BICD1: variants seen among roughly 807,000 people sequenced by gnomAD.
BICD1 encodes BICD cargo adaptor 1.
Under a neutral mutation model 92.5 loss-of-function variants are expected in BICD1, and 35 were observed. That is an observed-to-expected ratio of 0.38 (90% CI 0.29 to 0.50). The LOEUF (loss-of-function observed/expected upper bound fraction) is 0.50. Among genes scored for constraint, BICD1 ranks in the 20% least tolerant of loss-of-function variants. The pLI is 0.93. For synonymous variants in BICD1, 429 were observed against 465.1 expected, an observed-to-expected ratio of 0.92 and a Z score of 1.00; for missense variants, 950 against 1,189.8, an observed-to-expected ratio of 0.80 and a Z score of 2.97.
intron 1 of BICD1, among the ~76,000 whole-genome samples, chr12:32,204,212 T>C (rs558914598): frequency 6.6e-5 from 10 of 151,868 alleles, no homozygotes; most frequent in African/African-American, 1.9e-4. Context: ...TAACTGGGTG[T>C]GGTGGCAGAC....
intron 8 of BICD1, among the ~76,000 whole-genome samples, chr12:32,346,968 T>TA (rs1478556891): frequency 1.3e-5 from 2 of 150,650 alleles, no homozygotes; most frequent in East Asian, 3.9e-4. Context: ...TTTTTTTTTT[T>TA]AAGACAGAAT....
At position 32,328,206 on chromosome 12, in the gene BICD1, A is replaced by C; in HGVS notation, c.1751A>C (p.Glu584Ala). 6.2e-7 allele frequency: 1 copy of C among 1,614,158 alleles called. No individual in the cohort carries two copies. The highest frequency in any genetic ancestry group is 8.5e-7 in the Non-Finnish European group (1 of 1,180,034). Residue 584 changes from glutamate to alanine, a missense_variant, in exon 5 of 10, where the codon GAA becomes GCA. Physicochemically the swap from Glu to Ala is moderately radical, Grantham distance 107. Transcript: ENST00000652176. The surrounding 1 kb of genome is among the most constrained non-coding windows in gnomAD (Gnocchi z 4.4). ...TRTSSEPVAKESTEASKEPSP... is the reference protein window; with the variant it reads ...TRTSSEPVAKASTEASKEPSP... ...ACCTCATCTGAACCAGTTGCAAAAG[A>C]AAGCACAGAGGCCAGCAAAGAACCA...
At chr12:32,124,779 C>T (rs903388542) in intron 1 of BICD1, among the ~76,000 whole-genome samples, 3 of 151,974 alleles carry the variant, frequency 2.0e-5, no homozygotes, top group Non-Finnish European at 4.4e-5. Flanking sequence ...TGCTGCTTGT[C>T]AGTGTCTGTG....
chr12:32,125,788 T>G (rs1037056320), intron 1 of BICD1, among the ~76,000 whole-genome samples: 5 of 151,558 alleles, frequency 3.3e-5, no homozygotes, highest in Non-Finnish European at 5.9e-5. Context: ...CAGCCTGTAA[T>G]CCCAACACTT....
At chr12:32,209,921 T>A (rs1945164434) in intron 1 of BICD1, among the ~76,000 whole-genome samples, 1 of 152,194 alleles carries the variant, frequency 6.6e-6, no homozygotes, top group Admixed American at 6.5e-5. Flanking sequence ...ATTCAGTACT[T>A]TGGTCATACC....
intron 1 of BICD1, among the ~76,000 whole-genome samples, chr12:32,180,426 G>T (rs1056083440): frequency 5.3e-5 from 8 of 151,728 alleles, no homozygotes; most frequent in African/African-American, 1.9e-4. Flanking sequence ...TATGATTCTG[G>T]GATTAGGCCT....
chr12:32,305,300 TAA>T (rs1208204229), intron 3 of BICD1, among the ~76,000 whole-genome samples: 1 of 152,126 alleles, frequency 6.6e-6, no homozygotes, highest in African/African-American at 2.4e-5. Flanking sequence ...AATATTCTCA[TAA>T]GTTATTACAA....
At chr12:32,232,461 T>G (rs1396839117) in intron 2 of BICD1, among the ~76,000 whole-genome samples, 1 of 150,364 alleles carries the variant, frequency 6.7e-6, no homozygotes, top group Non-Finnish European at 1.5e-5. Context: ...TAAATTTGTT[T>G]GAGTTCATTG....
At chr12:32,119,808 T>G (rs1462421263) in intron 1 of BICD1, among the ~76,000 whole-genome samples, 1 of 152,002 alleles carries the variant, frequency 6.6e-6, no homozygotes, top group African/African-American at 2.4e-5. Context: ...GAGGTGGAGG[T>G]TGCAGTGAGC....
chr12:32,257,533 G>A (rs889881699), intron 2 of BICD1, among the ~76,000 whole-genome samples: 1 of 152,088 alleles, frequency 6.6e-6, no homozygotes, highest in Non-Finnish European at 1.5e-5. Context: ...CAAACATTGA[G>A]AGTAGGCATG....
chr12:32,330,576 A>AATAT (rs375801223), intron 5 of BICD1, among the ~76,000 whole-genome samples: 3,879 of 149,532 alleles, frequency 0.026, 145 homozygotes, highest in African/African-American at 0.085. Flanking sequence ...AGTAAATTAA[A>AATAT]ATATATATAT....
chr12:32,124,569 A>T (rs1449961739), intron 1 of BICD1, among the ~76,000 whole-genome samples: 1 of 152,174 alleles, frequency 6.6e-6, no homozygotes, highest in Non-Finnish European at 1.5e-5. Context: ...AATAATAGTA[A>T]TAATAATAAA....
chr12:32,217,925 T>C (rs1324686540), intron 2 of BICD1, among the ~76,000 whole-genome samples: 1 of 152,180 alleles, frequency 6.6e-6, no homozygotes, highest in Non-Finnish European at 1.5e-5. Flanking sequence ...GCAGAGAGGA[T>C]GTGGCATGGG....
At chr12:32,109,617 A>G (rs1021412179) in intron 1 of BICD1, 1 of 151,850 alleles carries the variant, frequency 6.6e-6, no homozygotes, top group Non-Finnish European at 1.5e-5. Context: ...TCTTGTTCAT[A>G]TATTTATTTT....
intron 2 of BICD1, among the ~76,000 whole-genome samples, chr12:32,236,193 G>C (rs1946068223): frequency 6.6e-6 from 1 of 151,170 alleles, no homozygotes; most frequent in Non-Finnish European, 1.5e-5. Context: ...AGGAATTCGA[G>C]ATCAGCCTGG....
In BICD1 at chr12:32,132,556, G is replaced by A. The variant is rs531203681; in HGVS notation, c.213+25012G>A. On this transcript the variant is annotated intron_variant, in intron 1 of 9. Transcript: ENST00000652176. ...GGACTGTGTGGCTCAATGCGGGACG[G>A]TTAGCATCCCTAGTCACTGTCATTA... Among the ~76,000 whole-genome samples, 31 of 152,298 alleles carry A rather than the reference G, an allele frequency of 2.0e-4. No individual in the cohort carries two copies. In the South Asian group the frequency reaches 5.6e-3, roughly 27 times the overall value.
chr12:32,225,463 TA>T (rs1477542251), intron 2 of BICD1, among the ~76,000 whole-genome samples: 1 of 152,126 alleles, frequency 6.6e-6, no homozygotes, highest in African/African-American at 2.4e-5. Context: ...TTTTCTAGAG[TA>T]AATACTTAAG....
At chr12:32,232,800 T>C (rs1168519122) in intron 2 of BICD1, among the ~76,000 whole-genome samples, 5 of 152,204 alleles carry the variant, frequency 3.3e-5, no homozygotes, top group Non-Finnish European at 5.9e-5. Context: ...TTCAGCTTTC[T>C]ACATATGGCT....
At chr12:32,271,667 C>A (rs1369870330) in intron 2 of BICD1, among the ~76,000 whole-genome samples, 3 of 152,146 alleles carry the variant, frequency 2.0e-5, no homozygotes, top group Non-Finnish European at 4.4e-5. Flanking sequence ...CCTGTATAAA[C>A]AATCCTCAAA....
Sources: gnomAD v4.1 joint callset for allele counts (sites outside exome capture counted in the v4.1 genomes callset) on GRCh38, gnomAD v4.1.1 for gene constraint, Gnocchi (gnomAD v3.1) non-coding constraint, MANE v1.5 for transcripts, NCBI Gene and HGNC (gene_info 2026-07-23, HGNC 2026-07-21) for gene names.